The following TJP2 variants were observed in gnomAD, a reference collection of about 807,000 sequenced individuals.
TJP2 encodes tight junction protein 2.
TJP2 carries 91 observed loss-of-function variants against 133.1 expected under a neutral mutation model. That is an observed-to-expected ratio of 0.68 (90% CI 0.58 to 0.81). The LOEUF is 0.81. Ranked by LOEUF, TJP2 falls within the 40% of genes least tolerant of loss-of-function variation. TJP2 has a pLI of 0.00. For synonymous variants in TJP2, 592 were observed against 583.4 expected (o/e 1.01, Z -0.21); for missense variants, 1,541 against 1,565.6 (o/e 0.98, Z 0.26).
chr9:69,173,560 C>T (rs926481160), upstream of TJP2, among the ~76,000 whole-genome samples: 8 of 152,142 alleles, frequency 5.3e-5, no homozygotes, highest in Non-Finnish European at 8.8e-5. Flanking sequence ...ATATATTGTC[C>T]TGAAAAGTCC....
At chr9:69,241,776 T>G (rs1464841230) in intron 17 of TJP2, among the ~76,000 whole-genome samples, 1 of 152,156 alleles carries the variant, frequency 6.6e-6, no homozygotes, top group East Asian at 1.9e-4. Flanking sequence ...GGCCAGCACT[T>G]TTGCATAATC....
chr9:69,243,098 A>C (rs1430503660), intron 17 of TJP2, among the ~76,000 whole-genome samples: 2 of 152,126 alleles, frequency 1.3e-5, no homozygotes, highest in Non-Finnish European at 2.9e-5. Context: ...CCCTGGGCTC[A>C]AGCAATCTGC....
At chr9:69,251,567 G>T (rs1831334423) in intron 21 of TJP2, among the ~76,000 whole-genome samples, 1 of 152,124 alleles carries the variant, frequency 6.6e-6, no homozygotes, top group African/African-American at 2.4e-5. Flanking sequence ...ACAATATAGG[G>T]GAAGAAGATT....
At chr9:69,168,754 C>T (rs1453263745) in intron 2 of TJP2, among the ~76,000 whole-genome samples, 1 of 149,754 alleles carries the variant, frequency 6.7e-6, no homozygotes, top group Non-Finnish European at 1.5e-5. Context: ...AAGACGGCGC[C>T]ATTGCACATT....
chr9:69,144,112 C>A (rs1378140280), intron 1 of TJP2, among the ~76,000 whole-genome samples: 1 of 152,140 alleles, frequency 6.6e-6, no homozygotes, highest in Non-Finnish European at 1.5e-5. Context: ...AAGTGATCCT[C>A]CTGCCTCAGC....
rs182833118 is a variant in TJP2, at chr9:69,212,723, T to A, written c.114+122T>A. 27 of 733,210 alleles carry A rather than the reference T, an allele frequency of 3.7e-5. 1 individual carries two copies. The East Asian group carries it at 3.9e-4, about 11-fold the overall frequency. 45.4% of individuals were successfully genotyped at this position (733,210 alleles called of 1,614,324 possible). On this transcript the variant is annotated intron_variant, in intron 2 of 22. Coordinates refer to ENST00000377245, the MANE Select transcript of TJP2 (RefSeq NM_004817.4). ...TTTTTCCCTTGAGGTACATAATGTA[T>A]TATAGATACTAACTGGCAATAATTG...
chr9:69,249,704 T>C, intron 20 of TJP2: 1 of 985,444 alleles, frequency 1.0e-6, no homozygotes, highest in South Asian at 4.7e-5. Context: ...GAGCATATGA[T>C]TTTAGGACTG....
intron 1 of TJP2, among the ~76,000 whole-genome samples, chr9:69,186,274 T>G (rs1267978952): frequency 2.0e-5 from 3 of 152,150 alleles, no homozygotes; most frequent in Non-Finnish European, 4.4e-5. Context: ...TTGCTAGAAA[T>G]GGAGTGGTCA....
intron 1 of TJP2, among the ~76,000 whole-genome samples, chr9:69,196,291 G>A (rs962401092): frequency 6.6e-6 from 1 of 152,184 alleles, no homozygotes; most frequent in African/African-American, 2.4e-5. Flanking sequence ...TTACTTGTAT[G>A]ACCTCAATCA....
chr9:69,251,666 A>G (rs1831342429), intron 21 of TJP2, among the ~76,000 whole-genome samples: 2 of 152,234 alleles, frequency 1.3e-5, no homozygotes, highest in Non-Finnish European at 2.9e-5. Context: ...CGTTTTAATT[A>G]GAATGTGATT....
chr9:69,235,798 T>TA (rs1396972878), intron 12 of TJP2, among the ~76,000 whole-genome samples: 1 of 152,180 alleles, frequency 6.6e-6, no homozygotes, highest in Non-Finnish European at 1.5e-5. Context: ...TCTGACCAAA[T>TA]ACCTGGTTAT....
upstream of TJP2, among the ~76,000 whole-genome samples, chr9:69,169,580 G>A (rs1172314990): frequency 6.6e-6 from 1 of 152,002 alleles, no homozygotes; most frequent in Non-Finnish European, 1.5e-5. Context: ...GGGTGGTCTC[G>A]AACTCCTGAT....
intron 1 of TJP2, among the ~76,000 whole-genome samples, chr9:69,199,237 A>G (rs1271275801): frequency 6.6e-6 from 1 of 152,186 alleles, no homozygotes; most frequent in Admixed American, 6.5e-5. Flanking sequence ...TAGCAGACAC[A>G]ACATAATACC....
intron 2 of TJP2, among the ~76,000 whole-genome samples, chr9:69,156,755 G>A (rs971376631): frequency 1.3e-5 from 2 of 151,820 alleles, no homozygotes; most frequent in South Asian, 2.1e-4. Context: ...TCCTGACCTC[G>A]TGATCCGCCC....
At chr9:69,240,278 T>C in intron 17 of TJP2, 131 bp downstream of exon 17, 2 of 950,920 alleles carry the variant, frequency 2.1e-6, no homozygotes, top group South Asian at 1.5e-5. Context: ...AAATAGTTAA[T>C]CCTATAAAAT....
At chr9:69,165,147 G>A (rs1824282107) in intron 2 of TJP2, among the ~76,000 whole-genome samples, 1 of 151,688 alleles carries the variant, frequency 6.6e-6, no homozygotes, top group Non-Finnish European at 1.5e-5. Context: ...TTCTTTTTTT[G>A]AGACAGGGTC....
chr9:69,252,663 TGAG>T (rs1831420940), intron 21 of TJP2, 149 bp from the exon 22 acceptor site: 12 of 745,622 alleles, frequency 1.6e-5, no homozygotes, highest in Admixed American at 1.0e-4. Context: ...ACCATGGAAA[TGAG>T]GAGGCCGCTT....
intron 1 of TJP2, among the ~76,000 whole-genome samples, chr9:69,178,707 A>G (rs942921651): frequency 6.6e-5 from 10 of 152,178 alleles, no homozygotes; most frequent in African/African-American, 2.2e-4. Flanking sequence ...TGTTTGTTTT[A>G]ACGTCTGGCC....
At chr9:69,184,804 G>A (rs1345947644) in intron 1 of TJP2, among the ~76,000 whole-genome samples, 1 of 140,400 alleles carries the variant, frequency 7.1e-6, no homozygotes, top group East Asian at 2.1e-4. Flanking sequence ...AGGCTGGAGT[G>A]CAGTGGTGCC....
Sources: allele counts gnomAD v4.1 joint callset (sites outside exome capture counted in the v4.1 genomes callset), GRCh38; gene constraint gnomAD v4.1.1; transcripts MANE v1.5; gene names NCBI Gene and HGNC (gene_info 2026-07-23, HGNC 2026-07-21).